Variants in TANC2 observed in about 807,000 individuals in gnomAD.
The protein encoded by TANC2 is tetratricopeptide repeat, ankyrin repeat and coiled-coil containing 2.
TANC2 carries 26 observed loss-of-function variants against 210.5 expected under a neutral mutation model. That is an observed-to-expected ratio of 0.12 (90% CI 0.09 to 0.17). TANC2 has a LOEUF of 0.17. Among genes scored for constraint, TANC2 ranks in the 10% least tolerant of loss-of-function variants. TANC2 has a pLI of 1.00. For synonymous variants in TANC2, 931 were observed against 967.1 expected, an observed-to-expected ratio of 0.96 and a Z score of 0.69; for missense variants, 2,129 against 2,608.9, an observed-to-expected ratio of 0.82 and a Z score of 4.01.
At chr17:63,365,525 C>A (rs2047085006) in intron 14 of TANC2, among the ~76,000 whole-genome samples, 1 of 152,206 alleles carries the variant, frequency 6.6e-6, no homozygotes, top group African/African-American at 2.4e-5. Context: ...CATGTAACCT[C>A]TTCCTGAAAA....
chr17:63,234,638 GT>G (rs11379048), intron 7 of TANC2, among the ~76,000 whole-genome samples: 29 of 149,628 alleles, frequency 1.9e-4, no homozygotes, highest in African/African-American at 6.6e-4. Flanking sequence ...GGTGCTAAAA[GT>G]TTTTTTTTTA....
chr17:63,364,930 T>C (rs2047066710), intron 14 of TANC2, among the ~76,000 whole-genome samples: 1 of 152,190 alleles, frequency 6.6e-6, no homozygotes. Flanking sequence ...TTCGGTATAG[T>C]GAATACTGGT....
intron 2 of TANC2, among the ~76,000 whole-genome samples, chr17:63,055,863 G>A (rs1390242977): frequency 6.8e-6 from 1 of 147,118 alleles, no homozygotes; most frequent in Non-Finnish European, 1.5e-5. Context: ...AGGTTTCTAA[G>A]GCCAGGTGCA....
chr17:63,191,561 C>G (rs1286546787), intron 5 of TANC2, among the ~76,000 whole-genome samples: 1 of 151,946 alleles, frequency 6.6e-6, no homozygotes, highest in Non-Finnish European at 1.5e-5. Context: ...CTCCTGGGTT[C>G]AAGCAGTTCT....
chr17:62,974,995 G>A (rs940908102), intron 1 of TANC2, among the ~76,000 whole-genome samples: 6 of 152,144 alleles, frequency 3.9e-5, no homozygotes, highest in South Asian at 2.1e-4. Flanking sequence ...ATATGATGAC[G>A]TAGCTGATTA....
chr17:63,138,482 T>G (rs1486291646), intron 4 of TANC2, among the ~76,000 whole-genome samples: 1 of 152,152 alleles, frequency 6.6e-6, no homozygotes, highest in Non-Finnish European at 1.5e-5. Flanking sequence ...GCTTTCTTTC[T>G]TTTGTATTAG....
chr17:63,324,103 T>G (rs1262314984), intron 11 of TANC2, among the ~76,000 whole-genome samples: 1 of 152,208 alleles, frequency 6.6e-6, no homozygotes, highest in East Asian at 1.9e-4. Context: ...TTTGCTGACC[T>G]AAAATTCTTC....
chr17:63,365,776 C>T (rs1330052462), intron 14 of TANC2, among the ~76,000 whole-genome samples: 4 of 152,062 alleles, frequency 2.6e-5, no homozygotes, highest in Non-Finnish European at 4.4e-5. Context: ...AGATCTCTCA[C>T]TCCTCCTTCA....
At chr17:63,411,632 C>T in exon 22 of TANC2, 1 of 1,613,964 alleles carries the variant, frequency 6.2e-7, no homozygotes, top group South Asian at 1.1e-5. Flanking sequence ...ACCATGCTGA[C>T]AAGAATGGCC....
chr17:63,098,807 A>G (rs961511903), intron 3 of TANC2, among the ~76,000 whole-genome samples: 10 of 151,978 alleles, frequency 6.6e-5, no homozygotes, highest in African/African-American at 1.2e-4. Context: ...CCTACTAGCA[A>G]TTGCACACGA....
Position 63,420,503 on chromosome 17 carries a change from G to A in TANC2, c.4773G>A (p.Pro1591=), listed in dbSNP as rs201526784. The stretch of plus-strand genomic sequence containing the variant: ...GGCCTAGCCCACCACACACTTCCCC[G>A]GCTCATCAGGGAGGATCTTACCGTT... Residue 1591 remains proline (P), a synonymous_variant, in exon 28 of 28, where the codon CCG becomes CCA. Transcript: ENST00000689528. This position sits in a 1 kb window ranked among gnomAD's most constrained non-coding sequence, Gnocchi z 4.2. 37 of 1,613,732 alleles carry A rather than the reference G, an allele frequency of 2.3e-5. No individual in the cohort carries two copies. The East Asian group carries it at 4.2e-4, about 18-fold the overall frequency.
chr17:63,057,915 G>A (rs2035861537), intron 2 of TANC2, among the ~76,000 whole-genome samples: 1 of 152,034 alleles, frequency 6.6e-6, no homozygotes, highest in African/African-American at 2.4e-5. Context: ...TGTCCTTATG[G>A]TAGAACAGTT....
chr17:63,271,331 A>G lies in TANC2; in HGVS notation c.1159+3458A>G, dbSNP rs536582603. ...CTCCACAGCTTCGCCAACATCTGTTATATTTTGGCATTTTATTAACAGCCT... is the reference window on the plus strand; with the variant it reads ...CTCCACAGCTTCGCCAACATCTGTTGTATTTTGGCATTTTATTAACAGCCT... On this transcript the variant is annotated intron_variant, in intron 9 of 27. Coordinates refer to ENST00000689528, the Ensembl canonical transcript of TANC2. Among the ~76,000 whole-genome samples, 7 of 152,022 alleles carry G rather than the reference A, an allele frequency of 4.6e-5. No homozygotes were observed. In the South Asian group the frequency reaches 1.2e-3, roughly 27 times the overall value.
intron 8 of TANC2, among the ~76,000 whole-genome samples, chr17:63,250,135 G>T (rs1441312807): frequency 6.6e-6 from 1 of 151,864 alleles, no homozygotes; most frequent in Admixed American, 6.6e-5. Flanking sequence ...TCTTTTAAAT[G>T]ACAAACTTTG....
In TANC2 at chr17:63,421,290, A is replaced by C. The variant is rs759391140; in HGVS notation, c.5560A>C (p.Arg1854=). The stretch of plus-strand genomic sequence containing the variant: ...AATCAAACCGCACCCGCCAACTCCC[A>C]GGCCGTTGCTGCATTCCCAAAGTGT... Residue 1854 remains arginine (R), a synonymous_variant, in exon 28 of 28, where the codon AGG becomes CGG. Transcript: ENST00000689528. The surrounding 1 kb of genome is among the most constrained non-coding windows in gnomAD (Gnocchi z 6.9). 8 of 1,614,042 alleles carry C rather than the reference A, an allele frequency of 5.0e-6. No individual in the cohort carries two copies. The South Asian group carries it at 7.7e-5, about 16-fold the overall frequency.
chr17:63,411,455 C>G, intron 21 of TANC2, 56 bp from the exon 22 acceptor site: 1 of 1,531,026 alleles, frequency 6.5e-7, no homozygotes, highest in Non-Finnish European at 8.8e-7. Flanking sequence ...CGTACTTCCC[C>G]TCCTGCTGTG....
chr17:63,055,539 A>G (rs2035738619), intron 2 of TANC2, among the ~76,000 whole-genome samples: 1 of 152,026 alleles, frequency 6.6e-6, no homozygotes, highest in Admixed American at 6.5e-5. Flanking sequence ...ATATATTTGA[A>G]GTAAGTCTTT....
chr17:63,374,035 T>TG (rs895773968), intron 14 of TANC2, among the ~76,000 whole-genome samples: 2 of 141,798 alleles, frequency 1.4e-5, no homozygotes, highest in Non-Finnish European at 3.1e-5. Context: ...GTTGTTGGTT[T>TG]TTTTTTTTTT....
At chr17:63,124,703 T>TA (rs2038637679) in intron 4 of TANC2, among the ~76,000 whole-genome samples, 1 of 152,184 alleles carries the variant, frequency 6.6e-6, no homozygotes, top group South Asian at 2.1e-4. Context: ...CGTGGCCTAT[T>TA]AGGAACTGGG....
Sources: gnomAD v4.1 joint callset for allele counts (sites outside exome capture counted in the v4.1 genomes callset) on GRCh38, gnomAD v4.1.1 for gene constraint, Gnocchi (gnomAD v3.1) non-coding constraint, MANE v1.5 for transcripts, NCBI Gene and HGNC (gene_info 2026-07-23, HGNC 2026-07-21) for gene names.